Variants in DIS3L2 observed in about 807,000 individuals in gnomAD.
The protein encoded by DIS3L2 is DIS3-like exonuclease 2.
In DIS3L2, 34 loss-of-function variants were observed where a neutral mutation model predicts 97.5. The observed-to-expected ratio is 0.35, with a 90% CI of 0.27 to 0.46. DIS3L2 has a LOEUF of 0.46. DIS3L2 is among the 20% of genes least tolerant of loss of function. The pLI is 1.00. For missense variants in DIS3L2, 1,038 were observed against 1,146.0 expected (o/e 0.91, Z 1.36); for synonymous variants, 435 against 445.2 (o/e 0.98, Z 0.29).
intron 12 of DIS3L2, among the ~76,000 whole-genome samples, chr2:232,259,158 C>T (rs774606081): frequency 8.5e-5 from 13 of 152,160 alleles, no homozygotes; most frequent in East Asian, 3.9e-4. Flanking sequence ...TTAAGGAAGA[C>T]GACTGAAGTG....
At chr2:232,326,087 G>A (rs570953517) in intron 14 of DIS3L2, among the ~76,000 whole-genome samples, 2 of 152,308 alleles carry the variant, frequency 1.3e-5, no homozygotes, top group Admixed American at 6.5e-5. Context: ...AGGAGGTCAG[G>A]GGAGAGGGCC....
intron 14 of DIS3L2, among the ~76,000 whole-genome samples, chr2:232,321,460 G>A (rs1695428918): frequency 6.6e-6 from 1 of 152,202 alleles, no homozygotes; most frequent in Non-Finnish European, 1.5e-5. Context: ...GTGGGCCAAG[G>A]CATCTGAGGG....
At chr2:232,157,330 C>T (rs1690519911) in intron 8 of DIS3L2, among the ~76,000 whole-genome samples, 1 of 152,140 alleles carries the variant, frequency 6.6e-6, no homozygotes, top group South Asian at 2.1e-4. Flanking sequence ...AAACCATGTA[C>T]ACTGCCTGTA....
chr2:232,046,956 A>G (rs1695260231), intron 5 of DIS3L2, among the ~76,000 whole-genome samples: 1 of 152,106 alleles, frequency 6.6e-6, no homozygotes, highest in South Asian at 2.1e-4. Context: ...CCAGCCTTGG[A>G]GATCATCTTA....
chr2:232,158,306 C>CGTGTGTGT (rs111880090), intron 8 of DIS3L2, among the ~76,000 whole-genome samples: 3 of 150,492 alleles, frequency 2.0e-5, no homozygotes, highest in African/African-American at 4.9e-5. Flanking sequence ...TCCTTTATAT[C>CGTGTGTGT]GTGTGTGTGT....
At chr2:232,120,432 A>G (rs1697864480) in intron 6 of DIS3L2, among the ~76,000 whole-genome samples, 1 of 152,178 alleles carries the variant, frequency 6.6e-6, no homozygotes, top group Non-Finnish European at 1.5e-5. Context: ...TAAAACCAGC[A>G]TGATAATCCC....
At chr2:232,334,041 C>A in intron 17 of DIS3L2, 54 bp downstream of exon 17, 1 of 1,560,148 alleles carries the variant, frequency 6.4e-7, no homozygotes, top group Non-Finnish European at 8.6e-7. Flanking sequence ...GGGCTGCCCA[C>A]CCCCACAGTG....
intron 13 of DIS3L2, among the ~76,000 whole-genome samples, chr2:232,279,821 G>A (rs1444733545): frequency 1.3e-5 from 2 of 152,118 alleles, no homozygotes; most frequent in Non-Finnish European, 2.9e-5. Context: ...GAACTACCAC[G>A]CCTGGCCTGG....
At chr2:232,338,085 G>T (rs1453361650), downstream of DIS3L2, among the ~76,000 whole-genome samples, 9 of 152,026 alleles carry the variant, frequency 5.9e-5, 1 homozygote, top group South Asian at 1.0e-3. Context: ...GGTGGAGAAG[G>T]CTGTGGGGTG....
intron 8 of DIS3L2, among the ~76,000 whole-genome samples, chr2:232,157,650 C>T (rs1215308133): frequency 2.0e-5 from 3 of 152,164 alleles, no homozygotes; most frequent in Non-Finnish European, 4.4e-5. Context: ...CTGCCTTTCC[C>T]ATCCTAAAAG....
intron 14 of DIS3L2, chr2:232,328,826 C>CTCCA (rs1364396736): frequency 6.6e-6 from 1 of 152,174 alleles, no homozygotes; most frequent in East Asian, 1.9e-4. Context: ...TCACAACAGG[C>CTCCA]TCCAGCTCTT....
At chr2:231,980,020 C>T (rs1244763163) in intron 1 of DIS3L2, among the ~76,000 whole-genome samples, 1 of 152,086 alleles carries the variant, frequency 6.6e-6, no homozygotes, top group South Asian at 2.1e-4. Context: ...TCTCTGTTTC[C>T]TTCTAATGAT....
chr2:232,004,341 G>A (rs1693991353), intron 1 of DIS3L2, among the ~76,000 whole-genome samples: 2 of 152,076 alleles, frequency 1.3e-5, no homozygotes, highest in African/African-American at 4.8e-5. Flanking sequence ...ACAAAGTGCT[G>A]GGATTAACAG....
Position 232,092,276 on chromosome 2 carries a change from T to C in DIS3L2, c.601+4555T>C, listed in dbSNP as rs984300462. 2.0e-5 allele frequency among the ~76,000 whole-genome samples: 3 copies of C among 152,192 alleles called. No homozygotes were observed. The South Asian group carries it at 6.2e-4, about 32-fold the overall frequency. ...TCTGTTCCACTGGTCTGTGTATCTG[T>C]TTTTATGCCAGTACCATGCCGTTTT... On this transcript the variant is annotated intron_variant, in intron 6 of 20. Transcript: ENST00000325385.
intron 11 of DIS3L2, among the ~76,000 whole-genome samples, chr2:232,242,078 T>A (rs1159573873): frequency 6.6e-6 from 1 of 152,248 alleles, no homozygotes; most frequent in African/African-American, 2.4e-5. Context: ...AGAGTGTTGA[T>A]GTTTTGTTAA....
rs1448467827 is a variant in DIS3L2, at chr2:232,336,074, G to C, written c.2496+200G>C. 32 of 1,537,728 alleles carry C rather than the reference G, an allele frequency of 2.1e-5. No individual in the cohort carries two copies. The Middle Eastern group carries it at 5.6e-4, about 27-fold the overall frequency. Reference sequence around the variant, plus strand: ...TCTGGCACCACCTTCCCTTCCTTGGGGGCAACCACAGTGGAGAGAGGAGGG... The same window carrying C: ...TCTGGCACCACCTTCCCTTCCTTGGCGGCAACCACAGTGGAGAGAGGAGGG... On this transcript the variant is annotated intron_variant, in intron 20 of 20. Transcript: ENST00000325385.
chr2:232,045,670 C>CTT (rs35019734), intron 5 of DIS3L2, among the ~76,000 whole-genome samples: 41,083 of 98,864 alleles, frequency 0.42, 10,031 homozygotes, highest in Non-Finnish European at 0.56. Context: ...AAAGGCCTCA[C>CTT]TTTTTTTTTT....
intron 5 of DIS3L2, among the ~76,000 whole-genome samples, chr2:232,085,748 G>A (rs1444037713): frequency 6.6e-6 from 1 of 152,124 alleles, no homozygotes; most frequent in Non-Finnish European, 1.5e-5. Flanking sequence ...AGACATCAGA[G>A]TGCTGTATGT....
downstream of DIS3L2, among the ~76,000 whole-genome samples, chr2:232,338,914 C>G (rs1036317872): frequency 1.3e-5 from 2 of 152,406 alleles, no homozygotes; most frequent in African/African-American, 4.8e-5. Context: ...GGCCCGGGCA[C>G]AGAGCGAGAC....
Sources: allele counts gnomAD v4.1 joint callset (sites outside exome capture counted in the v4.1 genomes callset), GRCh38; gene constraint gnomAD v4.1.1; transcripts MANE v1.5; gene names NCBI Gene and HGNC (gene_info 2026-07-23, HGNC 2026-07-21).